ZNF366: variants seen among roughly 807,000 people sequenced by gnomAD.
The protein encoded by ZNF366 is zinc finger protein 366.
In ZNF366, 20 loss-of-function variants were observed where a neutral mutation model predicts 47.2. The ratio of observed to expected loss-of-function variants is 0.42; its 90% CI spans 0.30 to 0.62. The LOEUF (loss-of-function observed/expected upper bound fraction) is 0.62, where lower values mean the gene tolerates loss of function less well. Among genes scored for constraint, ZNF366 ranks in the 20% least tolerant of loss-of-function variants. The pLI is 0.16. For synonymous variants in ZNF366, 421 were observed against 395.1 expected (o/e 1.07, Z -0.78); for missense variants, 987 against 976.3 (o/e 1.01, Z -0.15).
At position 72,461,076 on chromosome 5, in the gene ZNF366, T is replaced by A; in HGVS notation, c.421A>T (p.Ser141Cys). Residue 141 changes from serine (S) to cysteine (C), a missense_variant, in exon 2 of 5, where the codon AGC becomes TGC. Ser to Cys is a moderately radical substitution (Grantham distance 112). Coordinates refer to ENST00000318442, the MANE Select transcript of ZNF366 (RefSeq NM_152625.3). ...LCNVGFQFYR[S>C]LEHFGGKPVK... is the part of the protein sequence containing the mutation. ...GGCTTGCCCCCAAAGTGTTCCAGGC[T>A]GCGGTAGAATTGGAAGCCCACGTTG... The A allele has an allele frequency of 6.2e-7, 1 of 1,614,066 alleles. No homozygotes were observed. Among genetic ancestry groups the A allele is most frequent in the Non-Finnish European group, 8.5e-7 (1 of 1,180,024 alleles).
intron 1 of ZNF366, among the ~76,000 whole-genome samples, chr5:72,493,847 T>C (rs1744058998): frequency 6.6e-6 from 1 of 151,066 alleles, no homozygotes; most frequent in Non-Finnish European, 1.5e-5. Context: ...CTCTGCCTCC[T>C]GGGTTCAAAC....
At chr5:72,474,134 A>G (rs1414724352) in intron 1 of ZNF366, among the ~76,000 whole-genome samples, 1 of 152,250 alleles carries the variant, frequency 6.6e-6, no homozygotes, top group African/African-American at 2.4e-5. Flanking sequence ...GAATTTGCAC[A>G]TTGTTTAAAG....
Position 72,460,654 on chromosome 5 carries a change from G to T in ZNF366, c.843C>A (p.His281Gln), listed in dbSNP as rs182978659. 6.2e-7 allele frequency: 1 copy of T among 1,614,226 alleles called. No individual in the cohort carries two copies. Among genetic ancestry groups the T allele is most frequent in the Non-Finnish European group, 8.5e-7 (1 of 1,180,040 alleles). Reference protein sequence around the residue: ...HILGHSGIKPHACTHCGKLFK... With the variant: ...HILGHSGIKPQACTHCGKLFK... ...AGAGCTTCCCGCAGTGCGTGCACGCGTGCGGCTTGATCCCACTGTGGCCCA... is the reference window on the plus strand; with the variant it reads ...AGAGCTTCCCGCAGTGCGTGCACGCTTGCGGCTTGATCCCACTGTGGCCCA... The change falls in exon 2 of 5, where the codon CAC (histidine) becomes CAA (glutamine). Residue 281 changes from histidine to glutamine, a missense_variant. Transcript: ENST00000318442.
intron 1 of ZNF366, among the ~76,000 whole-genome samples, chr5:72,493,918 C>CTTTTTTTTTTTTT (rs70999281): frequency 3.2e-5 from 2 of 62,514 alleles, no homozygotes; most frequent in East Asian, 6.1e-4. Context: ...CCATGCCCAG[C>CTTTTTTTTTTTTT]TTTTTTTTTT....
Position 72,462,722 on chromosome 5 carries a change from T to C in ZNF366, c.-14-1212A>G, listed in dbSNP as rs926413619. 9.2e-5 allele frequency among the ~76,000 whole-genome samples: 14 copies of C among 151,998 alleles called. No homozygotes were observed. In the East Asian group the frequency reaches 2.7e-3, roughly 29 times the overall value. On this transcript the variant is annotated intron_variant, in intron 1 of 4. Transcript: ENST00000318442. ...TGCGCCACCACGCCCTGTTAATCTT[T>C]GTGTTTTTAGTAGAGACGGGGTTTC... is the stretch of plus-strand genomic sequence containing the variant.
intron 1 of ZNF366, among the ~76,000 whole-genome samples, chr5:72,501,509 G>A (rs966736895): frequency 5.3e-5 from 8 of 152,278 alleles, no homozygotes; most frequent in South Asian, 2.1e-4. Context: ...AAACTGACTC[G>A]ATCCAGTGGT....
At chr5:72,444,386 C>T (rs1742920487) in intron 4 of ZNF366, 95 bp from the exon 5 acceptor site, 1 of 1,325,818 alleles carries the variant, frequency 7.5e-7, no homozygotes, top group African/African-American at 1.5e-5. Flanking sequence ...TTAATGTATT[C>T]CGATGCGTAT....
chr5:72,504,033 CCACACACACACATG>C (rs1314895930), intron 1 of ZNF366, among the ~76,000 whole-genome samples: 217 of 151,924 alleles, frequency 1.4e-3, no homozygotes, highest in African/African-American at 5.1e-3. Context: ...CAATCAGGCA[CCACACACACACATG>C]CACACACGCA....
chr5:72,488,028 A>C (rs1202209570), intron 1 of ZNF366, among the ~76,000 whole-genome samples: 1 of 152,000 alleles, frequency 6.6e-6, no homozygotes, highest in African/African-American at 2.4e-5. Context: ...CAACATGGTA[A>C]AACCCCCTCC....
At chr5:72,446,475 G>A (rs149077726) in intron 4 of ZNF366, among the ~76,000 whole-genome samples, 92 of 152,328 alleles carry the variant, frequency 6.0e-4, no homozygotes, top group African/African-American at 2.1e-3. Flanking sequence ...TTGATTAGAC[G>A]ATTAAGGAGC....
intron 1 of ZNF366, among the ~76,000 whole-genome samples, chr5:72,481,204 AG>A (rs1347067273): frequency 1.3e-5 from 2 of 152,226 alleles, no homozygotes; most frequent in African/African-American, 2.4e-5. Flanking sequence ...ATATATTAAA[AG>A]ACAAAATGTG....
At chr5:72,475,463 C>G (rs1413347777) in intron 1 of ZNF366, among the ~76,000 whole-genome samples, 1 of 152,164 alleles carries the variant, frequency 6.6e-6, no homozygotes. Flanking sequence ...CAGAGGTAAG[C>G]CGCACTAAAT....
At chr5:72,484,567 A>T (rs778127222) in intron 1 of ZNF366, among the ~76,000 whole-genome samples, 23 of 152,038 alleles carry the variant, frequency 1.5e-4, no homozygotes, top group Non-Finnish European at 3.4e-4. Flanking sequence ...GAAAAATTCA[A>T]CTCTTTTGCT....
At chr5:72,451,101 A>G (rs377710685) in intron 3 of ZNF366, among the ~76,000 whole-genome samples, 1 of 152,082 alleles carries the variant, frequency 6.6e-6, no homozygotes, top group African/African-American at 2.4e-5. Flanking sequence ...CCCAAGCAGG[A>G]CCTGCTGAAT....
intron 1 of ZNF366, among the ~76,000 whole-genome samples, chr5:72,503,614 G>A (rs1366007369): frequency 2.0e-5 from 3 of 152,022 alleles, no homozygotes; most frequent in African/African-American, 7.3e-5. Flanking sequence ...TGAGAAAATT[G>A]AGATCCAAGC....
intron 1 of ZNF366, among the ~76,000 whole-genome samples, chr5:72,467,299 G>C (rs1580241611): frequency 6.6e-6 from 1 of 152,214 alleles, no homozygotes; most frequent in Admixed American, 6.5e-5. Flanking sequence ...GGCTCAGATA[G>C]CTTCCTTAAC....
At chr5:72,446,207 C>T (rs1742953780) in intron 4 of ZNF366, among the ~76,000 whole-genome samples, 1 of 152,208 alleles carries the variant, frequency 6.6e-6, no homozygotes, top group African/African-American at 2.4e-5. Context: ...TATCTAACAC[C>T]TCTAGGCCTT....
At chr5:72,494,478 AGAGCAACCACTAAACTGAACT>A (rs1323464892) in intron 1 of ZNF366, among the ~76,000 whole-genome samples, 4 of 152,218 alleles carry the variant, frequency 2.6e-5, no homozygotes, top group African/African-American at 9.6e-5. Flanking sequence ...ATTATTAAGC[AGAGCAACCACTAAACTGAACT>A]GTGCCTTCTA....
At chr5:72,452,432 G>C (rs1743092963) in intron 3 of ZNF366, among the ~76,000 whole-genome samples, 1 of 152,176 alleles carries the variant, frequency 6.6e-6, no homozygotes, top group Non-Finnish European at 1.5e-5. Flanking sequence ...TCCTTCTGCT[G>C]AGGAGGGCTT....
Sources: gnomAD v4.1 joint callset for allele counts (sites outside exome capture counted in the v4.1 genomes callset) on GRCh38, gnomAD v4.1.1 for gene constraint, MANE v1.5 for transcripts, NCBI Gene and HGNC (gene_info 2026-07-23, HGNC 2026-07-21) for gene names.